CNTLN: variants seen among roughly 807,000 people sequenced by gnomAD.
CNTLN encodes centlein.
CNTLN carries 212 observed loss-of-function variants against 180.0 expected under a neutral mutation model. That is an observed-to-expected ratio of 1.18 (90% CI 1.05 to 1.32). The LOEUF (loss-of-function observed/expected upper bound fraction) is 1.32, where lower values mean the gene tolerates loss of function less well. CNTLN is among the 40% of genes most tolerant of loss of function. The pLI, the probability that CNTLN is intolerant of heterozygous loss-of-function variation, is 0.00. For synonymous variants in CNTLN, 722 were observed against 563.1 expected (o/e 1.28, Z -3.99); for missense variants, 2,095 against 1,610.9 (o/e 1.30, Z -5.14).
the CNTLN span, among the ~76,000 whole-genome samples, chr9:17,513,885 A>G: frequency 1.3e-5 from 2 of 152,214 alleles, no homozygotes; most frequent in Non-Finnish European, 1.5e-5. Flanking sequence ...AAGTGAAAAC[A>G]TGCAACATTA....
At chr9:17,242,053 T>C (rs1825527535) in intron 5 of CNTLN, among the ~76,000 whole-genome samples, 1 of 152,212 alleles carries the variant, frequency 6.6e-6, no homozygotes, top group Non-Finnish European at 1.5e-5. Flanking sequence ...TCTTGTCTGA[T>C]TGCTCTAGGG....
At chr9:17,452,160 A>T (rs1187702458) in intron 18 of CNTLN, among the ~76,000 whole-genome samples, 1 of 152,118 alleles carries the variant, frequency 6.6e-6, no homozygotes. Context: ...TAGGGAAATG[A>T]TTTTCTCAGC....
intron 2 of CNTLN, among the ~76,000 whole-genome samples, chr9:17,157,197 C>A (rs977343806): frequency 6.6e-6 from 1 of 152,126 alleles, no homozygotes; most frequent in Non-Finnish European, 1.5e-5. Flanking sequence ...GGCCTGAATC[C>A]CCATTCTTCA....
chr9:17,146,736 G>A (rs1818483026), intron 2 of CNTLN, among the ~76,000 whole-genome samples: 3 of 152,094 alleles, frequency 2.0e-5, no homozygotes, highest in Non-Finnish European at 4.4e-5. Context: ...AATGGATGAA[G>A]ATTCTCTTTG....
At chr9:17,397,042 A>G (rs1165717332) in intron 15 of CNTLN, among the ~76,000 whole-genome samples, 1 of 152,230 alleles carries the variant, frequency 6.6e-6, no homozygotes, top group Non-Finnish European at 1.5e-5. Flanking sequence ...CTAGCTACTA[A>G]TTCTATCTTA....
the CNTLN span, among the ~76,000 whole-genome samples, chr9:17,519,339 C>T: frequency 6.6e-6 from 1 of 150,926 alleles, no homozygotes; most frequent in South Asian, 2.1e-4. Flanking sequence ...ATTAACTGTT[C>T]TTTTCTCCTT....
intron 15 of CNTLN, among the ~76,000 whole-genome samples, chr9:17,403,853 G>A (rs990692088): frequency 1.3e-5 from 2 of 151,780 alleles, no homozygotes; most frequent in African/African-American, 4.9e-5. Flanking sequence ...CTGGCTCACT[G>A]CAACCTCTGC....
At chr9:17,365,812 G>A (rs1823770650) in intron 12 of CNTLN, among the ~76,000 whole-genome samples, 1 of 152,022 alleles carries the variant, frequency 6.6e-6, no homozygotes, top group African/African-American at 2.4e-5. Flanking sequence ...TGGGCATGGT[G>A]GCACACACCT....
intron 3 of CNTLN, among the ~76,000 whole-genome samples, chr9:17,227,159 A>G (rs1390777522): frequency 6.6e-6 from 1 of 151,622 alleles, no homozygotes; most frequent in Admixed American, 6.6e-5. Flanking sequence ...GCCATGAGGG[A>G]TCCACCCTCA....
At chr9:17,191,075 TTAG>T (rs1434258449) in intron 2 of CNTLN, among the ~76,000 whole-genome samples, 2 of 152,232 alleles carry the variant, frequency 1.3e-5, no homozygotes, top group African/African-American at 4.8e-5. Flanking sequence ...TCCTAACAAC[TTAG>T]TAGCCATTAG....
At chr9:17,159,460 C>A (rs1310126151) in intron 2 of CNTLN, among the ~76,000 whole-genome samples, 2 of 152,148 alleles carry the variant, frequency 1.3e-5, no homozygotes, top group East Asian at 1.9e-4. Context: ...TGGCTTGCCT[C>A]TCCTGGCATG....
rs370492721 is a variant in CNTLN, at chr9:17,411,090, C to T, written c.2796+1617C>T. Among the ~76,000 whole-genome samples, 245 of 152,092 alleles carry T rather than the reference C, an allele frequency of 1.6e-3. 2 individuals are homozygous for T. The South Asian group carries it at 0.03, about 18-fold the overall frequency. On this transcript the variant is annotated intron_variant, in intron 16 of 25. Coordinates refer to ENST00000380647, the MANE Select transcript of CNTLN (RefSeq NM_017738.4). Reference sequence around the variant, plus strand: ...AAATTAATATAAAACAAGAAGAAGACGCTGAAAGGTAGAGAGAAGGCAGCA... The same window carrying T: ...AAATTAATATAAAACAAGAAGAAGATGCTGAAAGGTAGAGAGAAGGCAGCA...
At chr9:17,258,475 C>G (rs1826686451) in intron 5 of CNTLN, among the ~76,000 whole-genome samples, 1 of 151,174 alleles carries the variant, frequency 6.6e-6, no homozygotes, top group Non-Finnish European at 1.5e-5. Flanking sequence ...TCTTTTGGTT[C>G]CATATGAACT....
chr9:17,465,482 G>A (rs932576918), intron 21 of CNTLN, among the ~76,000 whole-genome samples: 1 of 150,074 alleles, frequency 6.7e-6, no homozygotes, highest in East Asian at 1.9e-4. Context: ...GCATTAAACT[G>A]AAAAACTATT....
chr9:17,267,408 G>A (rs901095878), intron 5 of CNTLN, among the ~76,000 whole-genome samples: 6 of 152,096 alleles, frequency 3.9e-5, no homozygotes, highest in African/African-American at 9.7e-5. Context: ...CGAGAGCTCC[G>A]CTGTTCGTCT....
intron 15 of CNTLN, among the ~76,000 whole-genome samples, chr9:17,405,234 C>T (rs965516237): frequency 7.2e-5 from 11 of 151,852 alleles, no homozygotes; most frequent in South Asian, 6.2e-4. Context: ...AGTTTTGTGA[C>T]ATTCCCCCTC....
chr9:17,501,966 T>C (rs1296590079), intron 25 of CNTLN, among the ~76,000 whole-genome samples: 2 of 152,216 alleles, frequency 1.3e-5, no homozygotes, highest in Admixed American at 6.5e-5. Flanking sequence ...TTATGAAATT[T>C]AAAAATGTAG....
chr9:17,412,319 A>G (rs1461972814), intron 16 of CNTLN, among the ~76,000 whole-genome samples: 1 of 152,178 alleles, frequency 6.6e-6, no homozygotes, highest in Non-Finnish European at 1.5e-5. Context: ...CTTGAAATAT[A>G]ATAGCCAAAA....
chr9:17,205,770 T>C (rs771815341), intron 2 of CNTLN, among the ~76,000 whole-genome samples: 2 of 152,210 alleles, frequency 1.3e-5, no homozygotes, highest in Admixed American at 1.3e-4. Flanking sequence ...TGGGAAGATA[T>C]CTGAATCCTG....
Sources: allele counts gnomAD v4.1 joint callset (sites outside exome capture counted in the v4.1 genomes callset), GRCh38; gene constraint gnomAD v4.1.1; transcripts MANE v1.5; gene names NCBI Gene and HGNC (gene_info 2026-07-23, HGNC 2026-07-21).